DISC1: variants seen among roughly 807,000 people sequenced by gnomAD.
DISC1 encodes the protein DISC1 scaffold protein.
DISC1 carries 57 observed loss-of-function variants against 84.5 expected under a neutral mutation model. The ratio of observed to expected loss-of-function variants is 0.67; its 90% CI spans 0.55 to 0.84. The LOEUF is 0.84. Ranked by LOEUF, DISC1 falls within the 40% of genes least tolerant of loss-of-function variation. The pLI, the probability that DISC1 is intolerant of heterozygous loss-of-function variation, is 0.00. For missense variants in DISC1, 1,000 were observed against 1,057.8 expected, an observed-to-expected ratio of 0.95 and a Z score of 0.76; for synonymous variants, 411 against 415.2, an observed-to-expected ratio of 0.99 and a Z score of 0.12.
intron 10 of DISC1, among the ~76,000 whole-genome samples, chr1:232,004,955 T>TCCATCTTC (rs1341171604): frequency 0.19 from 24,421 of 130,806 alleles, 4,264 homozygotes; most frequent in African/African-American, 0.21. Context: ...TTTCCTTCCT[T>TCCATCTTC]CCTTCCTTCC....
intron 1 of DISC1, among the ~76,000 whole-genome samples, chr1:231,667,279 C>T (rs2062108079): frequency 6.6e-6 from 1 of 152,238 alleles, no homozygotes; most frequent in South Asian, 2.1e-4. Context: ...TTAATTTGCA[C>T]ACTTGAGCTT....
At chr1:231,765,371 G>T (rs1357649861) in intron 4 of DISC1, among the ~76,000 whole-genome samples, 1 of 152,026 alleles carries the variant, frequency 6.6e-6, no homozygotes, top group African/African-American at 2.4e-5. Context: ...GCATCACCAC[G>T]CTCAGCTGTA....
chr1:231,974,488 A>G (rs958898827), intron 10 of DISC1, among the ~76,000 whole-genome samples: 6 of 152,200 alleles, frequency 3.9e-5, no homozygotes, highest in African/African-American at 1.4e-4. Context: ...TGGTTTCATC[A>G]GCCACCTCAT....
intron 1 of DISC1, among the ~76,000 whole-genome samples, chr1:231,632,477 A>C (rs1301072497): frequency 1.3e-5 from 2 of 152,244 alleles, no homozygotes; most frequent in Non-Finnish European, 2.9e-5. Flanking sequence ...CAAATAAGAC[A>C]GTAAACTCCT....
At chr1:231,970,052 A>G (rs990736985) in intron 10 of DISC1, among the ~76,000 whole-genome samples, 2 of 152,194 alleles carry the variant, frequency 1.3e-5, no homozygotes, top group African/African-American at 4.8e-5. Context: ...TAGTGCTGCA[A>G]TAAACATACG....
At chr1:231,751,644 A>G (rs2074613394) in intron 4 of DISC1, among the ~76,000 whole-genome samples, 1 of 152,202 alleles carries the variant, frequency 6.6e-6, no homozygotes, top group African/African-American at 2.4e-5. Context: ...CCCCTCTTCC[A>G]GTCCATGACA....
In DISC1 at chr1:231,958,828, A is replaced by G. The variant is rs2102755526; in HGVS notation, c.1982A>G (p.Glu661Gly). ...REVEHQETAY[E>G]TSVKENTMKY... ...TTTGGATTTCCTTTTTTTCCCCCAGAAACAAGTGTGAAGGAAAATACTATG... is the reference window on the plus strand; with the variant it reads ...TTTGGATTTCCTTTTTTTCCCCCAGGAACAAGTGTGAAGGAAAATACTATG... The change falls in exon 10 of 13, where the codon GAA (glutamate) becomes GGA (glycine). Residue 661 changes from glutamate to glycine, a missense_variant and splice_region_variant. This residue lies in a region of DISC1 where 397 missense variants were observed against 377.5 expected (regional missense o/e 1.05). Transcript: ENST00000439617. 4.3e-6 allele frequency: 7 copies of G among 1,613,626 alleles called. No homozygotes were observed. The highest frequency in any genetic ancestry group is 3.3e-5 in the South Asian group (3 of 90,928).
chr1:231,866,790 G>A (rs1197060139), intron 9 of DISC1: 37 of 1,116,540 alleles, frequency 3.3e-5, no homozygotes, highest in Non-Finnish European at 4.6e-6. Context: ...TAATTAATCT[G>A]TAATTAAAGT....
chr1:232,009,322 A>G lies in DISC1; in HGVS notation c.2307+273A>G, dbSNP rs1667816270. 2 of 1,208,256 alleles carry G rather than the reference A, an allele frequency of 1.7e-6. No homozygotes were observed. Among genetic ancestry groups the G allele is most frequent in the Non-Finnish European group, 2.1e-6 (2 of 957,816 alleles). The allele number at this position is 1,208,256 out of a possible 1,614,324, so 74.8% of individuals were successfully genotyped here. ...CTAGAATTAGAATATGCAGTCTAAT[A>G]TAGAATTACCATATATAGCATACAT... On this transcript the variant is annotated intron_variant, in intron 11 of 12. Coordinates refer to ENST00000439617, the MANE Select transcript of DISC1 (RefSeq NM_018662.3). This position sits in a 1 kb window ranked among gnomAD's most constrained non-coding sequence, Gnocchi z 4.6.
intron 1 of DISC1, among the ~76,000 whole-genome samples, chr1:231,649,345 G>C (rs1377928881): frequency 6.6e-6 from 1 of 152,206 alleles, no homozygotes; most frequent in Non-Finnish European, 1.5e-5. Flanking sequence ...AGGTTGTTCA[G>C]TTTCCATGTA....
chr1:231,978,230 C>T (rs1373407266), intron 10 of DISC1, among the ~76,000 whole-genome samples: 1 of 152,178 alleles, frequency 6.6e-6, no homozygotes, highest in Non-Finnish European at 1.5e-5. Flanking sequence ...TGTCTCCCTC[C>T]TGTGATGTTA....
intron 1 of DISC1, among the ~76,000 whole-genome samples, chr1:231,676,649 A>G (rs796492420): frequency 3.3e-5 from 5 of 152,312 alleles, no homozygotes; most frequent in African/African-American, 1.2e-4. Context: ...TTCCTCAAAG[A>G]CCAGTGCAGC....
intron 1 of DISC1, among the ~76,000 whole-genome samples, chr1:231,664,015 TATCTATCTATCTATCC>T (rs1354889439): frequency 2.1e-5 from 3 of 143,490 alleles, no homozygotes; most frequent in Admixed American, 1.4e-4. Context: ...GCTAATGCCA[TATCTATCTATCTATCC>T]ATCTATCTAT....
At chr1:231,983,751 A>C (rs1279975293) in intron 10 of DISC1, among the ~76,000 whole-genome samples, 1 of 152,052 alleles carries the variant, frequency 6.6e-6, no homozygotes, top group Non-Finnish European at 1.5e-5. Flanking sequence ...AAATACCTAA[A>C]GGGATCAGCT....
intron 12 of DISC1, among the ~76,000 whole-genome samples, chr1:232,034,459 G>A (rs1336321767): frequency 2.6e-5 from 4 of 152,172 alleles, no homozygotes; most frequent in Non-Finnish European, 2.9e-5. Flanking sequence ...CTGTGTTAGC[G>A]ATTGTTGTAT....
chr1:231,792,708 G>C (rs2078442394), intron 6 of DISC1, among the ~76,000 whole-genome samples: 1 of 152,166 alleles, frequency 6.6e-6, no homozygotes, highest in Non-Finnish European at 1.5e-5. Flanking sequence ...GTCCATGTTG[G>C]ATGCCCTCTG....
chr1:231,748,873 T>A (rs988050807), intron 3 of DISC1, among the ~76,000 whole-genome samples: 1 of 152,178 alleles, frequency 6.6e-6, no homozygotes, highest in African/African-American at 2.4e-5. Context: ...TACCTTATGC[T>A]TCTAATCTGG....
intron 3 of DISC1, among the ~76,000 whole-genome samples, chr1:231,706,857 C>G (rs545742399): frequency 6.6e-6 from 1 of 152,290 alleles, no homozygotes; most frequent in East Asian, 1.9e-4. Flanking sequence ...TCTCTATCCT[C>G]AGTTTCTCGT....
At chr1:231,627,370 C>A (rs2125056357) in intron 1 of DISC1, among the ~76,000 whole-genome samples, 2 of 152,366 alleles carry the variant, frequency 1.3e-5, no homozygotes, top group Middle Eastern at 3.4e-3. Flanking sequence ...GTCCCGCCCG[C>A]CTTAACCCCA....
Sources: gnomAD v4.1 joint callset for allele counts (sites outside exome capture counted in the v4.1 genomes callset) on GRCh38, gnomAD v4.1.1 for gene constraint, gnomAD v4.1.1 regional missense constraint, Gnocchi (gnomAD v3.1) non-coding constraint, MANE v1.5 for transcripts, NCBI Gene and HGNC (gene_info 2026-07-23, HGNC 2026-07-21) for gene names.